Variants in NELL1 observed in about 807,000 individuals in gnomAD.
NELL1 encodes neural EGFL like 1.
In NELL1, 76 loss-of-function variants were observed where a neutral mutation model predicts 107.4. The ratio of observed to expected loss-of-function variants is 0.71; its 90% CI spans 0.59 to 0.86. The LOEUF (loss-of-function observed/expected upper bound fraction) is 0.86. NELL1 is among the 40% of genes least tolerant of loss of function. The pLI is 0.00. For synonymous variants in NELL1, 353 were observed against 341.2 expected, an observed-to-expected ratio of 1.03 and a Z score of -0.38; for missense variants, 1,024 against 1,005.5, an observed-to-expected ratio of 1.02 and a Z score of -0.25.
intron 15 of NELL1, among the ~76,000 whole-genome samples, chr11:21,443,685 C>T (rs942858182): frequency 7.9e-5 from 12 of 151,720 alleles, no homozygotes; most frequent in Middle Eastern, 3.4e-3. Flanking sequence ...GTCAGGAGTT[C>T]GAGATCAGCC....
chr11:21,225,050 A>T (rs1857857954), intron 13 of NELL1, among the ~76,000 whole-genome samples: 1 of 152,128 alleles, frequency 6.6e-6, no homozygotes, highest in Non-Finnish European at 1.5e-5. Context: ...AGGGTGCTAC[A>T]CAGGCTCAGA....
intron 14 of NELL1, among the ~76,000 whole-genome samples, chr11:21,254,968 G>A (rs775756080): frequency 4.6e-5 from 7 of 152,090 alleles, no homozygotes; most frequent in Non-Finnish European, 7.4e-5. Context: ...ACATGAGAGG[G>A]AGCAGAGGGA....
At chr11:21,238,986 C>T (rs1180819715) in intron 14 of NELL1, among the ~76,000 whole-genome samples, 1 of 152,076 alleles carries the variant, frequency 6.6e-6, no homozygotes, top group Non-Finnish European at 1.5e-5. Context: ...TAAAGGAGAA[C>T]CATAAGGGTA....
intron 2 of NELL1, among the ~76,000 whole-genome samples, chr11:20,756,143 G>T (rs939227726): frequency 6.6e-6 from 1 of 152,012 alleles, no homozygotes; most frequent in Non-Finnish European, 1.5e-5. Context: ...GCCCCCCAAA[G>T]TGCTGGGATT....
At chr11:21,272,407 AG>A (rs1000029482) in intron 14 of NELL1, among the ~76,000 whole-genome samples, 2 of 152,190 alleles carry the variant, frequency 1.3e-5, no homozygotes, top group African/African-American at 4.8e-5. Context: ...GCAGCTGGGA[AG>A]CTCGAACTGG....
At chr11:21,052,974 C>T (rs1246666705) in intron 12 of NELL1, among the ~76,000 whole-genome samples, 1 of 151,968 alleles carries the variant, frequency 6.6e-6, no homozygotes, top group African/African-American at 2.4e-5. Context: ...AGACACCAGG[C>T]AGCTTGAAGG....
intron 14 of NELL1, among the ~76,000 whole-genome samples, chr11:21,367,367 A>G (rs1309015521): frequency 1.3e-5 from 2 of 151,970 alleles, no homozygotes; most frequent in Non-Finnish European, 2.9e-5. Flanking sequence ...ATGAAGTCAC[A>G]TATCCATGGT....
At chr11:21,124,603 A>ATT (rs35321090) in intron 13 of NELL1, among the ~76,000 whole-genome samples, 23,259 of 141,910 alleles carry the variant, frequency 0.16, 2,073 homozygotes, top group Middle Eastern at 0.27. Context: ...CTCACAGATG[A>ATT]TTTTTTTTTT....
chr11:21,240,760 T>G (rs1332002677), intron 14 of NELL1, among the ~76,000 whole-genome samples: 3 of 105,514 alleles, frequency 2.8e-5, no homozygotes, highest in Non-Finnish European at 5.9e-5. Context: ...TCAAGTGCCT[T>G]TCTAGTGGGG....
intron 3 of NELL1, 86 bp downstream of exon 3, chr11:20,783,916 A>G: frequency 1.5e-6 from 2 of 1,326,736 alleles, no homozygotes; most frequent in Non-Finnish European, 1.0e-6. Context: ...TTGTAGCCCC[A>G]TGAAAACTTT....
intron 2 of NELL1, among the ~76,000 whole-genome samples, chr11:20,771,494 T>C (rs1856639526): frequency 6.6e-6 from 1 of 152,168 alleles, no homozygotes; most frequent in Non-Finnish European, 1.5e-5. Context: ...TATTTTCCTG[T>C]GGTTTGACAT....
intron 12 of NELL1, among the ~76,000 whole-genome samples, chr11:20,985,898 G>A (rs35854521): frequency 0.041 from 6,203 of 152,248 alleles, 193 homozygotes; most frequent in Middle Eastern, 0.2. Flanking sequence ...CTGGGAAGAA[G>A]GAGTCTTTTG....
At chr11:21,376,911 T>C (rs368510576) in intron 15 of NELL1, among the ~76,000 whole-genome samples, 1 of 152,172 alleles carries the variant, frequency 6.6e-6, no homozygotes, top group East Asian at 1.9e-4. Flanking sequence ...CCTGAAACTT[T>C]ACTGAAGTCA....
rs147561566 is a variant in NELL1, at chr11:21,493,909, G to A, written c.1646-40465G>A. Among the ~76,000 whole-genome samples, 61 of 151,954 alleles carry A rather than the reference G, an allele frequency of 4.0e-4. No individual in the cohort carries two copies. In the East Asian group the frequency reaches 6.2e-3, roughly 15 times the overall value. On this transcript the variant is annotated intron_variant, in intron 15 of 19. Coordinates refer to ENST00000357134, the MANE Select transcript of NELL1 (RefSeq NM_006157.5). The stretch of plus-strand genomic sequence containing the variant: ...TGTATCAGTAAAATATTGATATGCC[G>A]TGGTGTGGATCTATCACAATTTACT...
At chr11:20,976,173 T>C (rs1165302853) in intron 12 of NELL1, among the ~76,000 whole-genome samples, 41 of 108,258 alleles carry the variant, frequency 3.8e-4, no homozygotes, top group African/African-American at 9.0e-4. Context: ...ATTATATCTG[T>C]ACATATATAT....
At chr11:21,527,361 C>T (rs1855881482) in intron 15 of NELL1, among the ~76,000 whole-genome samples, 1 of 152,152 alleles carries the variant, frequency 6.6e-6, no homozygotes, top group South Asian at 2.1e-4. Context: ...TCCCGAGTCT[C>T]TAGAAAGTTC....
intron 15 of NELL1, among the ~76,000 whole-genome samples, chr11:21,473,090 G>T (rs1854224757): frequency 1.3e-5 from 2 of 151,996 alleles, no homozygotes; most frequent in South Asian, 4.1e-4. Context: ...GCACAGATAA[G>T]CCTATAGAAG....
intron 5 of NELL1, among the ~76,000 whole-genome samples, chr11:20,905,081 C>T (rs1009360978): frequency 1.3e-5 from 2 of 151,482 alleles, no homozygotes; most frequent in African/African-American, 4.9e-5. Context: ...CTCCAGCAAT[C>T]CTCTTTCCAC....
intron 15 of NELL1, among the ~76,000 whole-genome samples, chr11:21,450,095 A>T (rs1453003598): frequency 2.0e-5 from 3 of 152,244 alleles, no homozygotes; most frequent in Non-Finnish European, 1.5e-5. Context: ...GCTAGTAATG[A>T]TGCAGCTTTA....
Sources: gnomAD v4.1 joint callset for allele counts (sites outside exome capture counted in the v4.1 genomes callset) on GRCh38, gnomAD v4.1.1 for gene constraint, MANE v1.5 for transcripts, NCBI Gene and HGNC (gene_info 2026-07-23, HGNC 2026-07-21) for gene names.